The following CDC14B variants were observed in gnomAD, a reference collection of about 807,000 sequenced individuals.
The protein encoded by CDC14B is dual specificity protein phosphatase CDC14B.
CDC14B carries 22 observed loss-of-function variants against 64.2 expected under a neutral mutation model. The observed-to-expected ratio is 0.34, with a 90% CI of 0.24 to 0.49. The LOEUF (loss-of-function observed/expected upper bound fraction) is 0.49, where lower values mean the gene tolerates loss of function less well. CDC14B is among the 20% of genes least tolerant of loss of function. The probability of loss-of-function intolerance (pLI) is 0.99; values close to 1 mark genes in which losing one functional copy is unlikely to be tolerated. For synonymous variants in CDC14B, 191 were observed against 215.8 expected, an observed-to-expected ratio of 0.89 and a Z score of 1.01; for missense variants, 498 against 629.9, an observed-to-expected ratio of 0.79 and a Z score of 2.24.
In CDC14B at chr9:96,509,685, CT is replaced by C. The variant is rs779653716; in HGVS notation, c.1447del (p.Ser483AlafsTer18). The C allele has an allele frequency of 3.7e-6, 6 of 1,602,394 alleles. No homozygotes were observed. The highest frequency in any genetic ancestry group is 4.5e-5 in the East Asian group (2 of 44,804). On this transcript the variant is annotated frameshift_variant, in exon 13 of 14. Coordinates refer to ENST00000375241, the MANE Select transcript of CDC14B (RefSeq NM_033331.4). LOFTEE classifies it high-confidence loss of function. ...KRTTRSASRK[S>X]SVKSLSISRT... ...ATTCTTTTCTCACCTTTTAACACTG[CT>C]TTTCCTTGAAGCAGATCTGGTGGTT... is the stretch of plus-strand genomic sequence containing the variant.
intron 5 of CDC14B, among the ~76,000 whole-genome samples, chr9:96,549,438 G>A (rs1015748748): frequency 2.0e-5 from 3 of 151,974 alleles, no homozygotes; most frequent in East Asian, 3.9e-4. Flanking sequence ...AGGCTGAGGC[G>A]GGCGGATCAT....
chr9:96,562,723 T>G lies in CDC14B; in HGVS notation c.390A>C (p.Ala130=), dbSNP rs369793565. ...HFTGSDQRKQ[A]NAAFLVGCYM... ...AGCATCCAACAAGGAAGGCAGCATTTGCTTGTTTTCTCTGATCAGAGCCAG... is the reference window on the plus strand; with the variant it reads ...AGCATCCAACAAGGAAGGCAGCATTGGCTTGTTTTCTCTGATCAGAGCCAG... The change falls in exon 4 of 14, where the codon GCA becomes GCC. Residue 130 remains alanine (A), a synonymous_variant. Coordinates refer to ENST00000375241, the MANE Select transcript of CDC14B (RefSeq NM_033331.4). 112 of 1,611,944 alleles carry G rather than the reference T, an allele frequency of 6.9e-5. 1 individual carries two copies. The highest frequency in any genetic ancestry group is 9.3e-5 in the Non-Finnish European group (109 of 1,178,200).
chr9:96,617,504 G>T (rs547772064), intron 1 of CDC14B, among the ~76,000 whole-genome samples: 4 of 152,144 alleles, frequency 2.6e-5, no homozygotes, highest in African/African-American at 9.6e-5. Context: ...GGCCTAAGCA[G>T]TAATTAAAAT....
chr9:96,615,393 T>C (rs545989894), intron 1 of CDC14B, among the ~76,000 whole-genome samples: 2 of 152,084 alleles, frequency 1.3e-5, no homozygotes, highest in African/African-American at 4.8e-5. Context: ...GGAACAAAAA[T>C]AGGGATTAAG....
intron 12 of CDC14B, among the ~76,000 whole-genome samples, chr9:96,513,509 T>C (rs958482397): frequency 5.4e-4 from 83 of 152,318 alleles, no homozygotes; most frequent in African/African-American, 2.0e-3. Context: ...AAATCCTCCA[T>C]CCTACCTACC....
intron 1 of CDC14B, chr9:96,618,556 C>T (rs1314014535): frequency 5.6e-6 from 3 of 533,380 alleles, no homozygotes; most frequent in Non-Finnish European, 7.7e-6. Flanking sequence ...TGCCGGCTGG[C>T]TCGAATGCCA....
At chr9:96,514,829 T>C in intron 12 of CDC14B, 1 of 985,464 alleles carries the variant, frequency 1.0e-6, no homozygotes, top group Non-Finnish European at 1.2e-6. Flanking sequence ...AGTGGGCCTC[T>C]TGTACATTCT....
chr9:96,492,278 T>G (rs1362535310), exon 14 of CDC14B: 1 of 152,322 alleles, frequency 6.6e-6, no homozygotes, highest in African/African-American at 2.4e-5. Context: ...GACTGGATCA[T>G]GTCTGAATCA....
intron 9 of CDC14B, among the ~76,000 whole-genome samples, chr9:96,533,264 C>G (rs903616759): frequency 2.0e-5 from 3 of 152,176 alleles, no homozygotes; most frequent in Admixed American, 1.3e-4. Flanking sequence ...CCACCATGCC[C>G]GGCCTGGATT....
rs573574116 is a variant in CDC14B at position 96,510,861 on chromosome 9, T to C, written c.1344-1072A>G. Among the ~76,000 whole-genome samples, 26 of 152,248 alleles carry C rather than the reference T, an allele frequency of 1.7e-4. No homozygotes were observed. In the East Asian group the frequency reaches 1.9e-3, roughly 11 times the overall value. On this transcript the variant is annotated intron_variant, in intron 12 of 13. Transcript: ENST00000375241. ...TCTCAGGTGATTCGCCCACCTCACTTACTCCCAAAGTGCTGGGATTACAGG... is the reference window on the plus strand; with the variant it reads ...TCTCAGGTGATTCGCCCACCTCACTCACTCCCAAAGTGCTGGGATTACAGG...
intron 1 of CDC14B, among the ~76,000 whole-genome samples, chr9:96,574,437 AT>A (rs773680386): frequency 7.9e-5 from 12 of 152,124 alleles, no homozygotes; most frequent in Non-Finnish European, 1.5e-4. Flanking sequence ...AGACAAAAAA[AT>A]ACCTCAAGTG....
chr9:96,505,058 G>C (rs1347859977), intron 13 of CDC14B, among the ~76,000 whole-genome samples: 1 of 152,044 alleles, frequency 6.6e-6, no homozygotes, highest in East Asian at 1.9e-4. Flanking sequence ...ATGCACGCCT[G>C]TATTCCCAGC....
At chr9:96,528,537 AAAG>A (rs150995580) in intron 9 of CDC14B, among the ~76,000 whole-genome samples, 20 of 152,134 alleles carry the variant, frequency 1.3e-4, no homozygotes, top group East Asian at 9.7e-4. Context: ...AAAGAAAAAA[AAAG>A]AAGAAGAAGA....
chr9:96,549,508 T>C (rs1033906930), intron 5 of CDC14B, among the ~76,000 whole-genome samples: 6 of 151,680 alleles, frequency 4.0e-5, no homozygotes, highest in Non-Finnish European at 8.8e-5. Context: ...CTACTAAAAA[T>C]ACAAAAATTA....
At chr9:96,606,527 T>TTGTGTG (rs376059971) in intron 1 of CDC14B, among the ~76,000 whole-genome samples, 3,661 of 112,768 alleles carry the variant, frequency 0.032, 91 homozygotes, top group East Asian at 0.046. Flanking sequence ...TACTAAAAGT[T>TTGTGTG]TGTGTGTGTG....
At chr9:96,566,800 G>T (rs764049629) in intron 1 of CDC14B, 3 of 1,606,362 alleles carry the variant, frequency 1.9e-6, no homozygotes, top group South Asian at 1.1e-5. Context: ...AGCTGCCCCC[G>T]CGCCCTCCCG....
At chr9:96,578,954 A>C (rs1844971233) in intron 1 of CDC14B, among the ~76,000 whole-genome samples, 1 of 152,092 alleles carries the variant, frequency 6.6e-6, no homozygotes, top group Non-Finnish European at 1.5e-5. Flanking sequence ...AGTAGCTGGG[A>C]TTACAGGCAT....
intron 1 of CDC14B, among the ~76,000 whole-genome samples, chr9:96,571,831 GT>G (rs1564362470): frequency 6.6e-6 from 1 of 152,150 alleles, no homozygotes; most frequent in African/African-American, 2.4e-5. Flanking sequence ...ACTGTGAGCT[GT>G]AAGACCCTCA....
intron 4 of CDC14B, among the ~76,000 whole-genome samples, chr9:96,555,262 GCTTTCT>G (rs1842351622): frequency 6.6e-6 from 1 of 152,166 alleles, no homozygotes; most frequent in Non-Finnish European, 1.5e-5. Flanking sequence ...CTCCTGTCAT[GCTTTCT>G]CTTAGAACCC....
Sources: gnomAD v4.1 joint callset for allele counts (sites outside exome capture counted in the v4.1 genomes callset) on GRCh38, gnomAD v4.1.1 for gene constraint, MANE v1.5 for transcripts, NCBI Gene and HGNC (gene_info 2026-07-23, HGNC 2026-07-21) for gene names.